The following HSD17B11 variants were observed in gnomAD, a reference collection of about 807,000 sequenced individuals.
HSD17B11 encodes the protein estradiol 17-beta-dehydrogenase 11.
A neutral mutation model predicts 27.8 loss-of-function variants in HSD17B11; 22 were observed. The ratio of observed to expected loss-of-function variants is 0.79; its 90% CI spans 0.56 to 1.13. The LOEUF (loss-of-function observed/expected upper bound fraction) is 1.13. HSD17B11 is among the 50% of genes most tolerant of loss of function. HSD17B11 has a pLI of 0.00. For synonymous variants in HSD17B11, 117 were observed against 132.8 expected, an observed-to-expected ratio of 0.88 and a Z score of 0.82; for missense variants, 314 against 351.1, an observed-to-expected ratio of 0.89 and a Z score of 0.84.
chr4:87,372,720 T>C lies in HSD17B11; in HGVS notation c.546A>G (p.Leu182=), dbSNP rs750995514. Residue 182 remains leucine, a synonymous_variant, in exon 4 of 7, where the codon TTA becomes TTG. Coordinates refer to ENST00000358290, the MANE Select transcript of HSD17B11 (RefSeq NM_016245.5). The part of the protein sequence containing the change: ...SAAGHVSVPF[L]LAYCSSKFAA... ...ACATGTTCACATACCAGTAAGCCAG[T>C]AAGAAGGGGACCGAGACATGTCCAG... 57 of 1,605,860 alleles carry C rather than the reference T, an allele frequency of 3.5e-5. 1 individual carries two copies. The South Asian group carries it at 6.0e-4, about 17-fold the overall frequency.
chr4:87,343,453 G>A (rs916105766), intron 5 of HSD17B11, among the ~76,000 whole-genome samples: 6 of 152,166 alleles, frequency 3.9e-5, no homozygotes, highest in African/African-American at 1.4e-4. Flanking sequence ...GAGAAATACT[G>A]AGGGGGAAGG....
chr4:87,374,951 T>A, intron 2 of HSD17B11, 121 bp from the exon 3 acceptor site: 5 of 650,862 alleles, frequency 7.7e-6, no homozygotes, highest in Non-Finnish European at 9.6e-6. Flanking sequence ...TGCAGTACAG[T>A]GGCGAAATCT....
chr4:87,363,162 G>A (rs777856712), intron 4 of HSD17B11, among the ~76,000 whole-genome samples: 2 of 152,094 alleles, frequency 1.3e-5, no homozygotes, highest in African/African-American at 2.4e-5. Context: ...CTTGGCCCCC[G>A]GGGAGATGGT....
At chr4:87,376,590 T>A (rs1278648139) in intron 2 of HSD17B11, among the ~76,000 whole-genome samples, 1 of 150,944 alleles carries the variant, frequency 6.6e-6, no homozygotes, top group Non-Finnish European at 1.5e-5. Flanking sequence ...AATACATATG[T>A]GTGTTTTTCT....
chr4:87,355,845 A>C (rs1735372408), intron 5 of HSD17B11, among the ~76,000 whole-genome samples: 1 of 150,838 alleles, frequency 6.6e-6, no homozygotes, highest in South Asian at 2.2e-4. Context: ...TGGAGGTTGC[A>C]GTGAGCCGAG....
intron 2 of HSD17B11, among the ~76,000 whole-genome samples, chr4:87,377,616 G>A (rs1267518819): frequency 6.6e-6 from 1 of 152,126 alleles, no homozygotes; most frequent in African/African-American, 2.4e-5. Context: ...TAAGATTGGA[G>A]TACCATAATT....
intron 3 of HSD17B11, 124 bp downstream of exon 3, chr4:87,374,575 G>T: frequency 1.2e-6 from 1 of 832,094 alleles, no homozygotes; most frequent in Non-Finnish European, 1.9e-6. Flanking sequence ...TTTGTATAAT[G>T]TTATCCCTGG....
chr4:87,390,957 G>C lies in HSD17B11; in HGVS notation c.114C>G (p.Ile38Met). 1 of 1,614,092 alleles carries C rather than the reference G, an allele frequency of 6.2e-7. No individual in the cohort carries two copies. The highest frequency in any genetic ancestry group is 8.5e-7 in the Non-Finnish European group (1 of 1,180,008). Reference protein sequence around the residue: ...PKRRKSVTGEIVLITGAGHGI... With the variant: ...PKRRKSVTGEMVLITGAGHGI... ...CATGCCCAGCTCCTGTAATCAGCAC[G>C]ATTTCGCCGGTGACTGATTTTCTCC... The change falls in exon 1 of 7, where the codon ATC becomes ATG. Residue 38 changes from isoleucine to methionine, a missense_variant. Coordinates refer to ENST00000358290, the MANE Select transcript of HSD17B11 (RefSeq NM_016245.5).
At chr4:87,363,220 G>A (rs1405302806) in intron 4 of HSD17B11, among the ~76,000 whole-genome samples, 1 of 152,138 alleles carries the variant, frequency 6.6e-6, no homozygotes, top group East Asian at 1.9e-4. Context: ...GAACCCAGAA[G>A]CCTGGCATGC....
At chr4:87,382,508 AGGT>A (rs1420334683) in intron 1 of HSD17B11, 146 bp from the exon 2 acceptor site, 3 of 520,410 alleles carry the variant, frequency 5.8e-6, no homozygotes, top group Admixed American at 3.2e-5. Context: ...CATTTTTGGC[AGGT>A]ATATAGGCAC....
At chr4:87,377,520 A>G (rs1225656094) in intron 2 of HSD17B11, among the ~76,000 whole-genome samples, 1 of 152,170 alleles carries the variant, frequency 6.6e-6, no homozygotes, top group Admixed American at 6.5e-5. Flanking sequence ...AATAATTGTT[A>G]TATCTTCTGG....
Position 87,339,620 on chromosome 4 carries a change from CT to C in HSD17B11, c.812+869del, listed in dbSNP as rs376808420. Among the ~76,000 whole-genome samples the C allele has an allele frequency of 3.2e-4, 48 of 152,324 alleles. 1 individual carries two copies. In the East Asian group the frequency reaches 6.6e-3, roughly 21 times the overall value. On this transcript the variant is annotated intron_variant, in intron 6 of 6. Transcript: ENST00000358290. ...TAAGGCACCTCTCCCCTTTCCCCTC[CT>C]TATGTGGCCAGCCTCATTGCCACAC...
intron 4 of HSD17B11, among the ~76,000 whole-genome samples, chr4:87,362,245 C>T (rs1351309342): frequency 6.6e-6 from 1 of 152,234 alleles, no homozygotes; most frequent in Non-Finnish European, 1.5e-5. Context: ...GGAGGTTAGG[C>T]CAGGTGCAGT....
At chr4:87,369,113 G>A (rs10028441) in intron 4 of HSD17B11, among the ~76,000 whole-genome samples, 53,641 of 151,996 alleles carry the variant, frequency 0.35, 10,415 homozygotes, top group African/African-American at 0.53. Context: ...GCATGGTGAA[G>A]CTATCCATAA....
chr4:87,360,760 TG>T (rs1181839380), intron 4 of HSD17B11, among the ~76,000 whole-genome samples: 1 of 152,200 alleles, frequency 6.6e-6, no homozygotes, highest in African/African-American at 2.4e-5. Flanking sequence ...TCTTTGGGCC[TG>T]GGGCAGTTTA....
chr4:87,369,129 G>A (rs1164678744), intron 4 of HSD17B11, among the ~76,000 whole-genome samples: 2 of 152,108 alleles, frequency 1.3e-5, no homozygotes, highest in African/African-American at 4.8e-5. Flanking sequence ...CATAAATTTA[G>A]TTTTTTCTTT....
chr4:87,337,500 G>A (rs1231254948), intron 6 of HSD17B11, 134 bp from the exon 7 acceptor site: 1 of 596,482 alleles, frequency 1.7e-6, no homozygotes, highest in African/African-American at 1.9e-5. Flanking sequence ...TCTTAAATCT[G>A]AGTCACTACT....
In HSD17B11 at chr4:87,340,446, G is replaced by A. The variant is rs1034693171; in HGVS notation, c.812+44C>T. 8.8e-6 allele frequency: 11 copies of A among 1,248,410 alleles called. No homozygotes were observed. The African/African-American group carries it at 1.5e-4, about 17-fold the overall frequency. 77.3% of individuals were successfully genotyped at this position (1,248,410 alleles called of 1,614,324 possible). ...TCAGTAAAAAATGCAATAGATAATT[G>A]TTATTTTACCTTTCATTTCTAAGGT... On this transcript the variant is annotated intron_variant, in intron 6 of 6. Transcript: ENST00000358290.
At chr4:87,378,960 A>ATATATATATATATTTT (rs1720051475) in intron 2 of HSD17B11, among the ~76,000 whole-genome samples, 2 of 25,610 alleles carry the variant, frequency 7.8e-5, no homozygotes, top group African/African-American at 6.0e-4. Flanking sequence ...ATATATATAT[A>ATATATATATATATTTT]TTTTTTTTTT....
Sources: gnomAD v4.1 joint callset for allele counts (sites outside exome capture counted in the v4.1 genomes callset) on GRCh38, gnomAD v4.1.1 for gene constraint, MANE v1.5 for transcripts, NCBI Gene and HGNC (gene_info 2026-07-23, HGNC 2026-07-21) for gene names.